Variants in CLEC16A observed in about 807,000 individuals in gnomAD.
The protein encoded by CLEC16A is C-type lectin domain containing 16A, also known as protein CLEC16A.
A neutral mutation model predicts 109.5 loss-of-function variants in CLEC16A; 51 were observed. The ratio of observed to expected loss-of-function variants is 0.47; its 90% CI spans 0.37 to 0.59. The LOEUF is 0.59. CLEC16A is among the 20% of genes least tolerant of loss of function. CLEC16A has a pLI of 0.00. For missense variants in CLEC16A, 1,339 were observed against 1,394.0 expected, an observed-to-expected ratio of 0.96 and a Z score of 0.63; for synonymous variants, 673 against 564.2, an observed-to-expected ratio of 1.19 and a Z score of -2.73.
Position 11,126,058 on chromosome 16 carries a change from G to C in CLEC16A, c.2553G>C (p.Leu851=). The C allele has an allele frequency of 1.2e-6, 2 of 1,613,898 alleles. No homozygotes were observed. The highest frequency in any genetic ancestry group is 1.7e-6 in the Non-Finnish European group (2 of 1,179,870). Residue 851 remains leucine, a synonymous_variant, in exon 22 of 24, where the codon CTG becomes CTC. Transcript: ENST00000409790. ...GCTCCTCCACCTCCACTCAGCACCTGCCTTTCCGCTTCTACGACCAGGGGC... is the reference window on the plus strand; with the variant it reads ...GCTCCTCCACCTCCACTCAGCACCTCCCTTTCCGCTTCTACGACCAGGGGC... ...GLGSSTSTQH[L]PFRFYDQGRR...
chr16:10,968,270 G>C (rs2042609749), intron 3 of CLEC16A, among the ~76,000 whole-genome samples: 1 of 152,214 alleles, frequency 6.6e-6, no homozygotes, highest in African/African-American at 2.4e-5. Flanking sequence ...ACATGTTTTT[G>C]CCGGCCAGCA....
In CLEC16A at chr16:10,961,749, A is replaced by C. The variant is rs2042256216; in HGVS notation, c.210-706A>C. Among the ~76,000 whole-genome samples the C allele has an allele frequency of 6.6e-6, 1 of 152,136 alleles. No individual in the cohort carries two copies. The highest frequency in any genetic ancestry group is 2.4e-5 in the African/African-American group (1 of 41,416). Reference sequence around the variant, plus strand: ...CTTGACAATTTGGGAGCCACAGTACATTTGGTTGTCATATCTCCCCAGCCT... The same window carrying C: ...CTTGACAATTTGGGAGCCACAGTACCTTTGGTTGTCATATCTCCCCAGCCT... On this transcript the variant is annotated intron_variant, in intron 2 of 23. Coordinates refer to ENST00000409790, the MANE Select transcript of CLEC16A (RefSeq NM_015226.3). The surrounding 1 kb of genome is among the most constrained non-coding windows in gnomAD (Gnocchi z 4.3).
At chr16:11,103,855 C>T (rs1401442788) in intron 19 of CLEC16A, among the ~76,000 whole-genome samples, 1 of 152,182 alleles carries the variant, frequency 6.6e-6, no homozygotes, top group Admixed American at 6.5e-5. Flanking sequence ...ATGGGTGTAC[C>T]GGTTCCATCT....
At chr16:11,058,353 G>A (rs1043824459) in intron 18 of CLEC16A, among the ~76,000 whole-genome samples, 6 of 152,154 alleles carry the variant, frequency 3.9e-5, no homozygotes, top group Non-Finnish European at 5.9e-5. Context: ...TTATATAAAC[G>A]GCGTAGTGTT....
chr16:11,071,281 G>A (rs1464238554), intron 19 of CLEC16A, among the ~76,000 whole-genome samples: 1 of 152,166 alleles, frequency 6.6e-6, no homozygotes, highest in Non-Finnish European at 1.5e-5. Flanking sequence ...GCATTGTCAT[G>A]TGCCTCTCAT....
chr16:11,076,559 A>G (rs1299018628), intron 19 of CLEC16A, among the ~76,000 whole-genome samples: 1 of 152,082 alleles, frequency 6.6e-6, no homozygotes, highest in Non-Finnish European at 1.5e-5. Context: ...CACCTTCCCC[A>G]GTGAACCCAG....
chr16:11,105,881 TC>T (rs2051190849), intron 19 of CLEC16A, among the ~76,000 whole-genome samples: 1 of 152,192 alleles, frequency 6.6e-6, no homozygotes, highest in Non-Finnish European at 1.5e-5. Context: ...TGATACAGTG[TC>T]CTCAGTGGCC....
Position 11,020,173 on chromosome 16 carries a change from G to A in CLEC16A, c.1304-20G>A. 6.2e-7 allele frequency: 1 copy of A among 1,602,668 alleles called. No individual in the cohort carries two copies. The highest frequency in any genetic ancestry group is 8.5e-7 in the Non-Finnish European group (1 of 1,173,250). Reference sequence around the variant, plus strand: ...TGAAAAGCTGTCTGGACTCATCCCAGTCTCCATTTTGGCTTCCAGAGATCG... The same window carrying A: ...TGAAAAGCTGTCTGGACTCATCCCAATCTCCATTTTGGCTTCCAGAGATCG... On this transcript the variant is annotated intron_variant, in intron 11 of 23. Coordinates refer to ENST00000409790, the MANE Select transcript of CLEC16A (RefSeq NM_015226.3).
At chr16:11,032,341 C>T (rs1300233731) in intron 13 of CLEC16A, among the ~76,000 whole-genome samples, 3 of 152,164 alleles carry the variant, frequency 2.0e-5, no homozygotes, top group Non-Finnish European at 4.4e-5. Flanking sequence ...TGCTGGGGGG[C>T]AGTTGGTCAG....
At chr16:11,172,045 C>T (rs1597630459) in intron 23 of CLEC16A, among the ~76,000 whole-genome samples, 2 of 151,602 alleles carry the variant, frequency 1.3e-5, no homozygotes, top group East Asian at 3.9e-4. Context: ...GTCACACTCC[C>T]ACACACATAC....
chr16:11,029,194 C>T (rs1216333208), intron 13 of CLEC16A, among the ~76,000 whole-genome samples: 2 of 152,100 alleles, frequency 1.3e-5, no homozygotes, highest in Non-Finnish European at 2.9e-5. Context: ...GCTAACTTCG[C>T]CCTATTACTG....
rs182521720 is a variant in CLEC16A at position 11,060,409 on chromosome 16, C to T, written c.1996-493C>T. The stretch of plus-strand genomic sequence containing the variant: ...TTCACCCTCTTCTGTCTGCCCCACC[C>T]CCGTATTCAGTAGGTAGTACCTTGA... On this transcript the variant is annotated intron_variant, in intron 18 of 23. Transcript: ENST00000409790. Among the ~76,000 whole-genome samples, 24 of 152,378 alleles carry T rather than the reference C, an allele frequency of 1.6e-4. No homozygotes were observed. The East Asian group carries it at 4.4e-3, about 28-fold the overall frequency.
chr16:11,161,056 A>G (rs899367534), intron 22 of CLEC16A, among the ~76,000 whole-genome samples: 1 of 152,248 alleles, frequency 6.6e-6, no homozygotes, highest in African/African-American at 2.4e-5. Flanking sequence ...GAGACAGCTT[A>G]CAATATCAAG....
chr16:11,063,726 T>C (rs2048617970), intron 19 of CLEC16A, among the ~76,000 whole-genome samples: 3 of 152,128 alleles, frequency 2.0e-5, no homozygotes, highest in Non-Finnish European at 1.5e-5. Context: ...GCTCCGGCTG[T>C]CATAAAAGGT....
intron 15 of CLEC16A, among the ~76,000 whole-genome samples, chr16:11,042,678 A>G (rs2047404566): frequency 6.6e-6 from 1 of 152,214 alleles, no homozygotes; most frequent in African/African-American, 2.4e-5. Context: ...TGCACATACA[A>G]ACACATCAAC....
chr16:10,956,731 C>G (rs1039589848), intron 1 of CLEC16A, among the ~76,000 whole-genome samples: 19 of 152,208 alleles, frequency 1.2e-4, no homozygotes, highest in African/African-American at 4.3e-4. Context: ...TGTCTCAGCT[C>G]CAGCACCTGG....
At chr16:11,108,773 C>T (rs1392582812) in intron 19 of CLEC16A, among the ~76,000 whole-genome samples, 1 of 152,172 alleles carries the variant, frequency 6.6e-6, no homozygotes, top group Non-Finnish European at 1.5e-5. Context: ...CATATAAAAG[C>T]ACTTTATAAA....
At chr16:11,047,947 A>G (rs184738843) in intron 17 of CLEC16A, 4 of 152,390 alleles carry the variant, frequency 2.6e-5, no homozygotes, top group Non-Finnish European at 4.4e-5. Flanking sequence ...CTTACTCACT[A>G]TCATGAGAAC....
In CLEC16A at chr16:11,173,185, A is replaced by T. The variant is rs181464321; in HGVS notation, c.2807-5150A>T. Among the ~76,000 whole-genome samples, 192 of 152,254 alleles carry T rather than the reference A, an allele frequency of 1.3e-3. 2 individuals are homozygous for T. The highest frequency in any genetic ancestry group is 4.5e-3 in the African/African-American group (185 of 41,546). On this transcript the variant is annotated intron_variant, in intron 23 of 23. Transcript: ENST00000409790. ...TGGAGTTTTAAGGACAGAAACCCCAAGTAAGATATCGTCCCTTTTCTCAGT... is the reference window on the plus strand; with the variant it reads ...TGGAGTTTTAAGGACAGAAACCCCATGTAAGATATCGTCCCTTTTCTCAGT...
Sources: allele counts gnomAD v4.1 joint callset (sites outside exome capture counted in the v4.1 genomes callset), GRCh38; gene constraint gnomAD v4.1.1; non-coding constraint Gnocchi (gnomAD v3.1); transcripts MANE v1.5; gene names NCBI Gene and HGNC (gene_info 2026-07-23, HGNC 2026-07-21).